Variants in GRM8 observed in about 807,000 individuals in gnomAD.
GRM8 encodes metabotropic glutamate receptor 8.
Under a neutral mutation model 87.2 loss-of-function variants are expected in GRM8, and 47 were observed. That is an observed-to-expected ratio of 0.54 (90% CI 0.43 to 0.69). The LOEUF (loss-of-function observed/expected upper bound fraction) is 0.69. Ranked by LOEUF, GRM8 falls within the 30% of genes least tolerant of loss-of-function variation. The probability of loss-of-function intolerance (pLI) is 0.00; values close to 1 mark genes in which losing one functional copy is unlikely to be tolerated. For synonymous variants in GRM8, 396 were observed against 404.5 expected (o/e 0.98, Z 0.25); for missense variants, 1,019 against 1,139.2 (o/e 0.89, Z 1.52).
intron 3 of GRM8, among the ~76,000 whole-genome samples, chr7:127,043,043 T>G (rs1818580607): frequency 1.3e-5 from 2 of 152,094 alleles, no homozygotes; most frequent in Admixed American, 1.3e-4. Flanking sequence ...ATCAGATAAA[T>G]GCAAATCAAA....
At chr7:127,155,322 C>T (rs777861023) in intron 2 of GRM8, among the ~76,000 whole-genome samples, 1 of 152,140 alleles carries the variant, frequency 6.6e-6, no homozygotes, top group South Asian at 2.1e-4. Flanking sequence ...TTTATACTCT[C>T]TAGAATCATA....
At chr7:126,907,122 A>G (rs1265389599) in intron 3 of GRM8, among the ~76,000 whole-genome samples, 20 of 150,382 alleles carry the variant, frequency 1.3e-4, no homozygotes, top group Admixed American at 1.3e-3. Context: ...GAGAAAGAGG[A>G]AGAGGAAGAA....
intron 7 of GRM8, among the ~76,000 whole-genome samples, chr7:126,760,659 C>T (rs1473817702): frequency 3.3e-5 from 5 of 151,890 alleles, no homozygotes; most frequent in African/African-American, 9.7e-5. Flanking sequence ...GATTATATAG[C>T]AATAAGCAGA....
intron 7 of GRM8, among the ~76,000 whole-genome samples, chr7:126,692,730 T>C (rs1320091297): frequency 9.9e-5 from 15 of 152,228 alleles, no homozygotes; most frequent in African/African-American, 3.6e-4. Context: ...TGCAATTTTT[T>C]CTCTTCCCTA....
intron 7 of GRM8, among the ~76,000 whole-genome samples, chr7:126,736,899 T>C (rs1350826235): frequency 6.6e-6 from 1 of 152,020 alleles, no homozygotes; most frequent in African/African-American, 2.4e-5. Context: ...GAAACCACCA[T>C]TGCAAAATTA....
intron 9 of GRM8, among the ~76,000 whole-genome samples, chr7:126,519,826 G>C (rs891721633): frequency 7.9e-5 from 12 of 152,074 alleles, no homozygotes; most frequent in African/African-American, 2.9e-4. Flanking sequence ...AAATTAAACA[G>C]ATTCCACCCA....
chr7:126,851,757 TTCTG>T (rs1797236501), intron 6 of GRM8, among the ~76,000 whole-genome samples: 1 of 152,090 alleles, frequency 6.6e-6, no homozygotes, highest in South Asian at 2.1e-4. Context: ...TCCCCAGCCT[TTCTG>T]TCTAAAATGG....
chr7:126,986,049 T>C (rs1410208599), intron 3 of GRM8, among the ~76,000 whole-genome samples: 3 of 152,150 alleles, frequency 2.0e-5, no homozygotes, highest in Non-Finnish European at 2.9e-5. Flanking sequence ...TCTTGTTCTA[T>C]TGTCCCAGCT....
intron 2 of GRM8, among the ~76,000 whole-genome samples, chr7:127,216,697 G>C (rs552646974): frequency 6.6e-6 from 1 of 152,300 alleles, no homozygotes; most frequent in Non-Finnish European, 1.5e-5. Flanking sequence ...GGTCCTCCCA[G>C]ATGTGGCCCT....
rs368499890 is a variant in GRM8, at chr7:127,093,952, G to C, written c.727+12544C>G. On this transcript the variant is annotated intron_variant, in intron 3 of 10. Transcript: ENST00000339582. ...ACCTATTTCAATCAACTATTCATCT[G>C]CTAGCCTTCTGATTTTATTATATTA... 4.6e-5 allele frequency among the ~76,000 whole-genome samples: 7 copies of C among 152,328 alleles called. No individual in the cohort carries two copies. The East Asian group carries it at 9.6e-4, about 21-fold the overall frequency.
At chr7:126,726,335 A>T (rs1282859384) in intron 7 of GRM8, among the ~76,000 whole-genome samples, 1 of 151,918 alleles carries the variant, frequency 6.6e-6, no homozygotes, top group African/African-American at 2.4e-5. Context: ...TGCCTGCTAG[A>T]TGGACCAGGA....
Position 126,903,589 on chromosome 7 carries a change from C to T in GRM8, c.1018+383G>A, listed in dbSNP as rs1463801114. Among the ~76,000 whole-genome samples the T allele has an allele frequency of 3.0e-4, 44 of 145,888 alleles. 1 individual carries two copies. Among genetic ancestry groups the T allele is most frequent in the East Asian group, 2.8e-3 (14 of 4,980 alleles). Reference sequence around the variant, plus strand: ...ATACACACACACACACACACACACACACACACACACACTATATACATATAT... The same window carrying T: ...ATACACACACACACACACACACACATACACACACACACTATATACATATAT... On this transcript the variant is annotated intron_variant, in intron 5 of 10. Transcript: ENST00000339582.
chr7:126,995,733 A>T (rs1813117509), intron 3 of GRM8, among the ~76,000 whole-genome samples: 1 of 152,152 alleles, frequency 6.6e-6, no homozygotes. Context: ...TAGCTTCAAA[A>T]GGGCAAATCT....
chr7:127,039,124 G>C (rs778325290), intron 3 of GRM8, among the ~76,000 whole-genome samples: 5 of 152,204 alleles, frequency 3.3e-5, no homozygotes, highest in Admixed American at 6.5e-5. Flanking sequence ...AAACATGAAA[G>C]TAGTTTAGTA....
At chr7:126,611,914 T>C (rs761274672) in intron 7 of GRM8, among the ~76,000 whole-genome samples, 1 of 152,222 alleles carries the variant, frequency 6.6e-6, no homozygotes, top group Non-Finnish European at 1.5e-5. Flanking sequence ...AATATCATTA[T>C]TAAAATCAAG....
At chr7:126,623,394 G>A (rs143539206) in intron 7 of GRM8, among the ~76,000 whole-genome samples, 68 of 152,118 alleles carry the variant, frequency 4.5e-4, no homozygotes, top group African/African-American at 1.5e-3. Context: ...TAGAAATATT[G>A]AGGTACTTTA....
intron 6 of GRM8, chr7:126,869,977 T>G (rs1798952082): frequency 6.7e-6 from 1 of 149,354 alleles, no homozygotes; most frequent in Non-Finnish European, 1.5e-5. Context: ...AGATGGAATC[T>G]TCTTCTACAT....
Position 126,533,004 on chromosome 7 carries a change from A to G in GRM8, c.2378T>C (p.Ile793Thr). 6.2e-7 allele frequency: 1 copy of G among 1,613,470 alleles called. No homozygotes were observed. The highest frequency in any genetic ancestry group is 8.5e-7 in the Non-Finnish European group (1 of 1,179,772). Residue 793 changes from isoleucine (I) to threonine (T), a missense_variant, in exon 9 of 11, where the codon ATT (isoleucine) becomes ACT (threonine). Physicochemically the swap from Ile to Thr is moderately conservative, Grantham distance 89. Transcript: ENST00000339582. The stretch of plus-strand genomic sequence containing the variant: ...AAAGATGGGGATGAAAGCTAACCAA[A>G]TGATGCAGGTGGTATACATGGTAAA... ...IGFTMYTTCI[I>T]WLAFIPIFFG... is the part of the protein sequence containing the mutation.
chr7:127,219,404 C>A (rs941779263), intron 2 of GRM8: 1 of 152,042 alleles, frequency 6.6e-6, no homozygotes, highest in African/African-American at 2.4e-5. Context: ...ATTACTTTTT[C>A]GTTGTAAATA....
Sources: allele counts gnomAD v4.1 joint callset (sites outside exome capture counted in the v4.1 genomes callset), GRCh38; gene constraint gnomAD v4.1.1; transcripts MANE v1.5; gene names NCBI Gene and HGNC (gene_info 2026-07-23, HGNC 2026-07-21).